The following SVEP1 variants were observed in gnomAD, a reference collection of about 807,000 sequenced individuals.
SVEP1 encodes sushi, von Willebrand factor type A, EGF and pentraxin domain-containing protein 1.
SVEP1 carries 164 observed loss-of-function variants against 367.3 expected under a neutral mutation model. That is an observed-to-expected ratio of 0.45 (90% CI 0.39 to 0.51). The LOEUF is 0.51. SVEP1 is among the 20% of genes least tolerant of loss of function. The pLI, the probability that SVEP1 is intolerant of heterozygous loss-of-function variation, is 0.00. For synonymous variants in SVEP1, 1,666 were observed against 1,611.6 expected, an observed-to-expected ratio of 1.03 and a Z score of -0.81; for missense variants, 4,117 against 4,425.3, an observed-to-expected ratio of 0.93 and a Z score of 1.98.
rs372376216 is a variant in SVEP1, at chr9:110,526,091, CAT to C, written c.965-11987_965-11986del. Among the ~76,000 whole-genome samples, 132 of 152,140 alleles carry C rather than the reference CAT, an allele frequency of 8.7e-4. 1 individual carries two copies. The highest frequency in any genetic ancestry group is 2.8e-3 in the African/African-American group (118 of 41,530). ...TATAAAACTATAACACTTTTCGAAACATAGGAGAAAATCTTCAGGAACCAGTA... is the reference window on the plus strand; with the variant it reads ...TATAAAACTATAACACTTTTCGAAACAGGAGAAAATCTTCAGGAACCAGTA... On this transcript the variant is annotated intron_variant, in intron 3 of 47. Transcript: ENST00000374469.
intron 38 of SVEP1, 117 bp from the exon 39 acceptor site, chr9:110,404,669 TTGTTGCA>T (rs949043730): frequency 2.2e-6 from 2 of 913,824 alleles, no homozygotes; most frequent in Non-Finnish European, 3.5e-6. Context: ...AACATATTGA[TTGTTGCA>T]CAATCAATAT....
chr9:110,463,615 GGAAA>G (rs1452733697), intron 18 of SVEP1, among the ~76,000 whole-genome samples: 2 of 143,576 alleles, frequency 1.4e-5, no homozygotes, highest in Non-Finnish European at 3.1e-5. Flanking sequence ...GAAAAAGGAA[GGAAA>G]GAAAGAAAGG....
At chr9:110,468,176 G>A (rs1828966951) in intron 17 of SVEP1, among the ~76,000 whole-genome samples, 1 of 152,228 alleles carries the variant, frequency 6.6e-6, no homozygotes, top group Non-Finnish European at 1.5e-5. Context: ...ACTGATGAAT[G>A]TGGATTGGAG....
At chr9:110,501,563 T>C (rs574591278) in intron 6 of SVEP1, among the ~76,000 whole-genome samples, 1 of 152,262 alleles carries the variant, frequency 6.6e-6, no homozygotes, top group Admixed American at 6.5e-5. Context: ...CCAATATCTC[T>C]AATCTCATAA....
In SVEP1 at chr9:110,445,957, A is replaced by T; in HGVS notation, c.4343T>A (p.Leu1448His). Residue 1448 changes from leucine to histidine, a missense_variant, in exon 26 of 48, where the codon CTC (leucine) becomes CAC (histidine). Transcript: ENST00000374469. ...CCAGAAGGTACAGGTTAGAGCATGGAGAGATGGGAGCATGCCATCTAGCAT... is the reference window on the plus strand; with the variant it reads ...CCAGAAGGTACAGGTTAGAGCATGGTGAGATGGGAGCATGCCATCTAGCAT... ...YVMLDGMLPS[L>H]HALTCTFWMK... The T allele has an allele frequency of 6.2e-7, 1 of 1,613,944 alleles. No individual in the cohort carries two copies.
chr9:110,466,760 CAAAA>C lies in SVEP1; in HGVS notation c.3161-738_3161-735del, dbSNP rs71371670. Among the ~76,000 whole-genome samples the C allele has an allele frequency of 2.2e-4, 10 of 46,424 alleles. 1 individual carries two copies. Among genetic ancestry groups the C allele is most frequent in the Non-Finnish European group, 2.6e-4 (7 of 26,690 alleles). 30.5% of individuals were successfully genotyped at this position (46,424 alleles called of 152,430 possible). The stretch of plus-strand genomic sequence containing the variant: ...TGGGCGACAGAGCGAGACTCCATCT[CAAAA>C]AAAAAAAAAAAAAAGAACTGGCTGC... On this transcript the variant is annotated intron_variant, in intron 17 of 47. Coordinates refer to ENST00000374469, the MANE Select transcript of SVEP1 (RefSeq NM_153366.4).
At position 110,407,066 on chromosome 9, in the gene SVEP1, C is replaced by T; in HGVS notation, c.8534G>A (p.Arg2845Lys). Residue 2845 changes from arginine (R) to lysine (K), a missense_variant, in exon 38 of 48, where the codon AGA (arginine) becomes AAA (lysine). Coordinates refer to ENST00000374469, the MANE Select transcript of SVEP1 (RefSeq NM_153366.4). ...SPPVSANGQV[R>K]GDEYTFQKEI... Reference sequence around the variant, plus strand: ...TTTTTGGAATGTGTACTCGTCTCCTCTCACCTGGCCATTGGCTGAGACTGG... The same window carrying T: ...TTTTTGGAATGTGTACTCGTCTCCTTTCACCTGGCCATTGGCTGAGACTGG... 6.2e-7 allele frequency: 1 copy of T among 1,614,010 alleles called. No homozygotes were observed. Among genetic ancestry groups the T allele is most frequent in the Non-Finnish European group, 8.5e-7 (1 of 1,179,896 alleles).
intron 40 of SVEP1, 66 bp from the exon 41 acceptor site, chr9:110,389,653 C>CAAAGT: frequency 6.3e-7 from 1 of 1,575,926 alleles, no homozygotes. Flanking sequence ...TAAGGAAATG[C>CAAAGT]AAAGTAATCT....
intron 3 of SVEP1, among the ~76,000 whole-genome samples, chr9:110,540,411 C>A (rs910124150): frequency 3.3e-5 from 5 of 151,982 alleles, no homozygotes; most frequent in African/African-American, 9.7e-5. Context: ...AAAATATTTG[C>A]AGTAAATGAA....
chr9:110,433,713 C>T (rs955669622), intron 30 of SVEP1, among the ~76,000 whole-genome samples: 43 of 152,034 alleles, frequency 2.8e-4, no homozygotes, highest in African/African-American at 7.0e-4. Flanking sequence ...TCAAGCGATC[C>T]GCCCGTCTTG....
Position 110,378,206 on chromosome 9 carries a change from C to T in SVEP1, c.10409-840G>A, listed in dbSNP as rs141648843. Among the ~76,000 whole-genome samples the T allele has an allele frequency of 5.4e-3, 828 of 152,262 alleles. 6 individuals are homozygous for T. Among genetic ancestry groups the T allele is most frequent in the African/African-American group, 0.019 (780 of 41,536 alleles). On this transcript the variant is annotated intron_variant, in intron 44 of 47. Transcript: ENST00000374469. ...GACATTTATGTTGTTCAATATCACA[C>T]ACACAACACTCATTCTGACTTTAGA...
chr9:110,403,501 C>T (rs1827901279), intron 39 of SVEP1, among the ~76,000 whole-genome samples: 1 of 151,648 alleles, frequency 6.6e-6, no homozygotes, highest in Non-Finnish European at 1.5e-5. Context: ...GACGGGGTTT[C>T]ACTGTGTTGT....
At chr9:110,533,888 C>A (rs969844209) in intron 3 of SVEP1, among the ~76,000 whole-genome samples, 13 of 151,928 alleles carry the variant, frequency 8.6e-5, no homozygotes, top group African/African-American at 3.1e-4. Flanking sequence ...AAAATATAAC[C>A]TGGAAATAGC....
intron 1 of SVEP1, among the ~76,000 whole-genome samples, chr9:110,559,989 TTGTG>T (rs1830405283): frequency 6.6e-6 from 1 of 152,172 alleles, no homozygotes; most frequent in African/African-American, 2.4e-5. Flanking sequence ...GTATGTCTGT[TTGTG>T]TATGTATGAG....
intron 40 of SVEP1, among the ~76,000 whole-genome samples, chr9:110,391,325 C>T (rs1827652346): frequency 6.8e-6 from 1 of 147,556 alleles, no homozygotes; most frequent in South Asian, 2.1e-4. Context: ...GGCTGGAATG[C>T]AGTGGTGCAA....
At position 110,496,989 on chromosome 9, in the gene SVEP1, T is replaced by C. The variant is rs982982052; in HGVS notation, c.1682-56A>G. Reference sequence around the variant, plus strand: ...TACACTGATATGTGGTCCTAGATCATTTAAGGAAGAGGTACAAATCTAGTT... The same window carrying C: ...TACACTGATATGTGGTCCTAGATCACTTAAGGAAGAGGTACAAATCTAGTT... On this transcript the variant is annotated intron_variant, in intron 7 of 47. Transcript: ENST00000374469. 4 of 1,156,494 alleles carry C rather than the reference T, an allele frequency of 3.5e-6. No homozygotes were observed. The South Asian group carries it at 4.6e-5, about 13-fold the overall frequency. The allele number at this position is 1,156,494 out of a possible 1,614,324, so 71.6% of individuals were successfully genotyped here.
intron 43 of SVEP1, among the ~76,000 whole-genome samples, chr9:110,384,597 C>G (rs1213583856): frequency 8.5e-6 from 1 of 117,996 alleles, no homozygotes; most frequent in Non-Finnish European, 1.9e-5. Context: ...CACCAATTCA[C>G]TTATTCTTCA....
Position 110,546,116 on chromosome 9 carries a change from T to C in SVEP1, c.963A>G (p.Thr321=), listed in dbSNP as rs1830217452. ...GATATACACAGATTGGAGACTCACCTGTGCATTCATACTGCAGACCTTTCC... is the reference window on the plus strand; with the variant it reads ...GATATACACAGATTGGAGACTCACCCGTGCATTCATACTGCAGACCTTTCC... The part of the protein sequence containing the change: ...YYGKGLQYEC[T]ACPSGTYKPE... The change falls in exon 3 of 48, where the codon ACA becomes ACG. Residue 321 remains threonine (T), a splice_region_variant and synonymous_variant. Transcript: ENST00000374469. 6.4e-7 allele frequency: 1 copy of C among 1,552,306 alleles called. No homozygotes were observed. Among genetic ancestry groups the C allele is most frequent in the Non-Finnish European group, 8.7e-7 (1 of 1,147,084 alleles).
chr9:110,508,654 G>A (rs1829661632), intron 5 of SVEP1, among the ~76,000 whole-genome samples: 1 of 151,242 alleles, frequency 6.6e-6, no homozygotes, highest in African/African-American at 2.4e-5. Context: ...CCAGCTACTC[G>A]GGAGGCTGAG....
Sources: allele counts gnomAD v4.1 joint callset (sites outside exome capture counted in the v4.1 genomes callset), GRCh38; gene constraint gnomAD v4.1.1; transcripts MANE v1.5; gene names NCBI Gene and HGNC (gene_info 2026-07-23, HGNC 2026-07-21).